The following DDX20 variants were observed in gnomAD, a reference collection of about 807,000 sequenced individuals.
DDX20 encodes probable ATP-dependent RNA helicase DDX20.
A neutral mutation model predicts 76.4 loss-of-function variants in DDX20; 61 were observed. The observed-to-expected ratio is 0.80, with a 90% CI of 0.65 to 0.99. The LOEUF (loss-of-function observed/expected upper bound fraction) is 0.99. Ranked by LOEUF, DDX20 falls within the 50% of genes least tolerant of loss-of-function variation. DDX20 has a pLI of 0.00. For missense variants in DDX20, 976 were observed against 996.8 expected, an observed-to-expected ratio of 0.98 and a Z score of 0.28; for synonymous variants, 357 against 357.4, an observed-to-expected ratio of 1.00 and a Z score of 0.01.
In DDX20 at chr1:111,765,877, A is replaced by G. The variant is rs748088501; in HGVS notation, c.1453A>G (p.Ile485Val). ...TCAGAAAATAGAGAGAACCCTTCAA[A>G]TTCAGAAAGCTCATGGTGACCACAT... is the stretch of plus-strand genomic sequence containing the variant. Reference protein sequence around the residue: ...QIQKIERTLQIQKAHGDHMAS... With the variant: ...QIQKIERTLQVQKAHGDHMAS... Residue 485 changes from isoleucine to valine, a missense_variant, in exon 11 of 11, where the codon ATT (isoleucine) becomes GTT (valine). Physicochemically the swap from Ile to Val is conservative, Grantham distance 29 (BLOSUM62 3). This residue lies in a region of DDX20 where 630 missense variants were observed against 693.7 expected (regional missense o/e 0.91). Coordinates refer to ENST00000369702, the MANE Select transcript of DDX20 (RefSeq NM_007204.5). 6.2e-7 allele frequency: 1 copy of G among 1,614,190 alleles called. No homozygotes were observed. The highest frequency in any genetic ancestry group is 1.7e-5 in the Admixed American group (1 of 60,030).
At chr1:111,763,597 T>G (rs1031295632) in intron 10 of DDX20, among the ~76,000 whole-genome samples, 2 of 150,566 alleles carry the variant, frequency 1.3e-5, no homozygotes, top group African/African-American at 4.9e-5. Flanking sequence ...GAAAGAAAAA[T>G]GAGAGCTATG....
At position 111,756,146 on chromosome 1, in the gene DDX20, G is replaced by A. The variant is rs1325623626; in HGVS notation, c.222G>A (p.Leu74=). 4 of 1,570,564 alleles carry A rather than the reference G, an allele frequency of 2.5e-6. No individual in the cohort carries two copies. In the South Asian group the frequency reaches 4.6e-5, roughly 18 times the overall value. The change falls in exon 1 of 11, where the codon CTG becomes CTA. Residue 74 remains leucine (L), a synonymous_variant. Coordinates refer to ENST00000369702, the MANE Select transcript of DDX20 (RefSeq NM_007204.5). ...FESLLLSRPV[L]EGLRAAGFER... ...CACTGCTGCTTTCGCGGCCGGTGCT[G>A]GAGGGGCTGCGGGCGGCCGGCTTCG...
intron 10 of DDX20, 143 bp downstream of exon 10, chr1:111,763,150 A>C: frequency 3.0e-6 from 2 of 656,140 alleles, no homozygotes; most frequent in Non-Finnish European, 2.6e-6. Context: ...TTTACTTCTC[A>C]CCACACTCCT....
In DDX20 at chr1:111,762,898, G is replaced by C; in HGVS notation, c.1211-8G>C. The C allele has an allele frequency of 6.2e-7, 1 of 1,609,042 alleles. No homozygotes were observed. ...TGATTTACTACCTAACATTCTCTCT[G>C]CTTTTAGGTACATTGGGGCTGACAG... is the stretch of plus-strand genomic sequence containing the variant. On this transcript the variant is annotated splice_region_variant and splice_polypyrimidine_tract_variant and intron_variant, in intron 9 of 10. Coordinates refer to ENST00000369702, the MANE Select transcript of DDX20 (RefSeq NM_007204.5).
intron 10 of DDX20, 82 bp from the exon 11 acceptor site, chr1:111,765,655 G>A: frequency 8.5e-7 from 1 of 1,182,192 alleles, no homozygotes; most frequent in Non-Finnish European, 1.2e-6. Flanking sequence ...TTTGATCATA[G>A]AAAACTTTAT....
chr1:111,756,085 G>T lies in DDX20; in HGVS notation c.161G>T (p.Gly54Val). The change falls in exon 1 of 11, where the codon GGG (glycine) becomes GTG (valine). Residue 54 changes from glycine to valine, a missense_variant. Gly to Val is a moderately radical substitution (Grantham distance 109). This residue lies in a region of DDX20 where 343 missense variants were observed against 286.4 expected (regional missense o/e 1.20). Transcript: ENST00000369702. ...QDLSSPRTRT[G>V]DVLLAEPADF... The stretch of plus-strand genomic sequence containing the variant: ...CTCAGCAGCCCGCGGACCCGCACGG[G>T]GGATGTGCTGTTGGCGGAGCCGGCC... The T allele has an allele frequency of 1.9e-6, 3 of 1,604,834 alleles. No homozygotes were observed. The highest frequency in any genetic ancestry group is 2.2e-5 in the East Asian group (1 of 44,806).
At chr1:111,761,319 A>G (rs954560622) in intron 7 of DDX20, 35 bp downstream of exon 7, 8 of 1,584,648 alleles carry the variant, frequency 5.0e-6, no homozygotes, top group Non-Finnish European at 6.9e-6. Context: ...TTTATTTAGT[A>G]TACTGACTTG....
chr1:111,764,054 C>T (rs893918611), intron 10 of DDX20, among the ~76,000 whole-genome samples: 12 of 151,874 alleles, frequency 7.9e-5, no homozygotes, highest in Admixed American at 5.9e-4. Context: ...CTGAGGCGGG[C>T]GGATGACGAG....
chr1:111,759,303 C>T (rs997216923), intron 2 of DDX20, 97 bp from the exon 3 acceptor site: 20 of 923,042 alleles, frequency 2.2e-5, no homozygotes, highest in Non-Finnish European at 2.7e-5. Context: ...TTGAAATGAT[C>T]ATTTAAATGA....
chr1:111,758,807 A>T (rs942764443), intron 2 of DDX20, among the ~76,000 whole-genome samples: 7 of 151,970 alleles, frequency 4.6e-5, no homozygotes, highest in Non-Finnish European at 8.8e-5. Flanking sequence ...ATATATTCTT[A>T]TCCAAGAATG....
chr1:111,761,181 G>A (rs1057347213), intron 6 of DDX20, 45 bp from the exon 7 acceptor site: 1 of 1,611,618 alleles, frequency 6.2e-7, no homozygotes, highest in African/African-American at 1.3e-5. Flanking sequence ...GATAGTCATG[G>A]GGCAATATTT....
Position 111,766,639 on chromosome 1 carries a change from C to T in DDX20, c.2215C>T (p.Pro739Ser), listed in dbSNP as rs1663786881. The change falls in exon 11 of 11, where the codon CCC becomes TCC. Residue 739 changes from proline (P) to serine (S), a missense_variant. Physicochemically the swap from Pro to Ser is moderately conservative, Grantham distance 74 (BLOSUM62 -1). Around this residue, in one of 3 missense-constraint regions of DDX20, gnomAD observed 630 missense variants for 693.7 expected, o/e 0.91. Transcript: ENST00000369702. The stretch of plus-strand genomic sequence containing the variant: ...AGCTAAGCAGAGCCGGAGAAACCTA[C>T]CCAGGCGGTCTTCCTTCAGATTGCA... Reference protein sequence around the residue: ...QRAKQSRRNLPRRSSFRLQTE... With the variant: ...QRAKQSRRNLSRRSSFRLQTE... 2 of 1,614,054 alleles carry T rather than the reference C, an allele frequency of 1.2e-6. No homozygotes were observed. Among genetic ancestry groups the T allele is most frequent in the African/African-American group, 1.3e-5 (1 of 74,924 alleles).
rs1663657597 is a variant in DDX20, at chr1:111,760,794, T to A, written c.769T>A (p.Tyr257Asn). The A allele has an allele frequency of 6.2e-7, 1 of 1,613,952 alleles. No homozygotes were observed. The highest frequency in any genetic ancestry group is 1.3e-5 in the African/African-American group (1 of 75,056). Reference sequence around the variant, plus strand: ...ATTTTTGGCTAATGCTTTGACAAAGTACATGAGAGATCCCACTTTTGTAAG... The same window carrying A: ...ATTTTTGGCTAATGCTTTGACAAAGAACATGAGAGATCCCACTTTTGTAAG... ...PEFLANALTK[Y>N]MRDPTFVRLN... Residue 257 changes from tyrosine to asparagine, a missense_variant, in exon 5 of 11, where the codon TAC becomes AAC. By Grantham distance (143) the Tyr-to-Asn change is moderately radical (BLOSUM62 -2). Coordinates refer to ENST00000369702, the MANE Select transcript of DDX20 (RefSeq NM_007204.5).
intron 1 of DDX20, 83 bp downstream of exon 1, chr1:111,756,308 CAGCTCAGGAAG>C: frequency 7.4e-7 from 1 of 1,345,858 alleles, no homozygotes; most frequent in Non-Finnish European, 9.6e-7. Flanking sequence ...GCCCGCGCCG[CAGCTCAGGAAG>C]AGCCCTCGGT....
Position 111,766,298 on chromosome 1 carries a change from A to C in DDX20, c.1874A>C (p.Asn625Thr). The C allele has an allele frequency of 1.2e-6, 2 of 1,614,186 alleles. No homozygotes were observed. Among genetic ancestry groups the C allele is most frequent in the African/African-American group, 1.3e-5 (1 of 75,046 alleles). ...ACAGGCCCTGGGGATCAGACTGTGAATCCTCAAAATGGTTTTGTGAGAAAT... is the reference window on the plus strand; with the variant it reads ...ACAGGCCCTGGGGATCAGACTGTGACTCCTCAAAATGGTTTTGTGAGAAAT... ...HYTGPGDQTV[N>T]PQNGFVRNKV... Residue 625 changes from asparagine (N) to threonine (T), a missense_variant, in exon 11 of 11, where the codon AAT becomes ACT. Physicochemically the swap from Asn to Thr is moderately conservative, Grantham distance 65. This residue lies in a region of DDX20 where 630 missense variants were observed against 693.7 expected (regional missense o/e 0.91). Transcript: ENST00000369702.
Position 111,766,158 on chromosome 1 carries a change from G to T in DDX20, c.1734G>T (p.Leu578=), listed in dbSNP as rs763806347. Residue 578 remains leucine, a synonymous_variant, in exon 11 of 11, where the codon CTG becomes CTT. Transcript: ENST00000369702. ...TGTCACTCCCCCAGATTCCTTGTCT[G>T]TCTTCCTTTAAAATCCATCAGCCAT... ...LPVSLPQIPC[L]SSFKIHQPYT... The T allele has an allele frequency of 3.7e-6, 6 of 1,614,036 alleles. No homozygotes were observed. The highest frequency in any genetic ancestry group is 1.7e-6 in the Non-Finnish European group (2 of 1,180,028).
chr1:111,767,043 C>T lies in DDX20; in HGVS notation c.*144C>T. On this transcript the variant is annotated 3_prime_UTR_variant, in exon 11 of 11. Coordinates refer to ENST00000369702, the MANE Select transcript of DDX20 (RefSeq NM_007204.5). ...TTGAGTCTTTCCACTGGGACACATC[C>T]ATTTTTCAGATTGTTTTGATTTAGG... The T allele has an allele frequency of 1.8e-6, 1 of 562,136 alleles. No homozygotes were observed. Among genetic ancestry groups the T allele is most frequent in the South Asian group, 3.1e-5 (1 of 31,928 alleles). The allele number at this position is 562,136 out of a possible 1,614,324, so 34.8% of individuals were successfully genotyped here.
Position 111,756,201 on chromosome 1 carries a change from A to C in DDX20, c.277A>C (p.Ile93Leu). 6.8e-7 allele frequency: 1 copy of C among 1,479,820 alleles called. No homozygotes were observed. The highest frequency in any genetic ancestry group is 9.0e-7 in the Non-Finnish European group (1 of 1,117,246). The allele number at this position is 1,479,820 out of a possible 1,614,324, so 91.7% of individuals were successfully genotyped here. The change falls in exon 1 of 11, where the codon ATC (isoleucine) becomes CTC (leucine). Residue 93 changes from isoleucine to leucine, a missense_variant. Transcript: ENST00000369702. Reference sequence around the variant, plus strand: ...GCCCTCGCCGGTGCAGCTCAAGGCCATCCCGTTGGGGCGCTGCGGGCTCGG... The same window carrying C: ...GCCCTCGCCGGTGCAGCTCAAGGCCCTCCCGTTGGGGCGCTGCGGGCTCGG... ...ERPSPVQLKA[I>L]PLGRCGLDLI...
In DDX20 at chr1:111,766,952, A is replaced by G. The variant is rs1663796162; in HGVS notation, c.*53A>G. On this transcript the variant is annotated 3_prime_UTR_variant, in exon 11 of 11. Transcript: ENST00000369702. ...AACTGTCAACAAATGATACCTTTGG[A>G]TATCCATCCTCCTCGACTTATAGTA... 1.8e-5 allele frequency: 25 copies of G among 1,404,988 alleles called. No homozygotes were observed. The highest frequency in any genetic ancestry group is 2.4e-5 in the Non-Finnish European group (24 of 1,017,478). The allele number at this position is 1,404,988 out of a possible 1,614,324, so 87.0% of individuals were successfully genotyped here.
Sources: allele counts gnomAD v4.1 joint callset (sites outside exome capture counted in the v4.1 genomes callset), GRCh38; gene constraint gnomAD v4.1.1; regional missense constraint gnomAD v4.1.1; transcripts MANE v1.5; gene names NCBI Gene and HGNC (gene_info 2026-07-23, HGNC 2026-07-21).